Variants in CADM2 observed in about 807,000 individuals in gnomAD.
CADM2 encodes the protein cell adhesion molecule 2.
CADM2 carries 12 observed loss-of-function variants against 49.8 expected under a neutral mutation model. The ratio of observed to expected loss-of-function variants is 0.24; its 90% CI spans 0.15 to 0.39. The LOEUF (loss-of-function observed/expected upper bound fraction) is 0.39, where lower values mean the gene tolerates loss of function less well. CADM2 is among the 10% of genes least tolerant of loss of function. The probability of loss-of-function intolerance (pLI) is 1.00; values close to 1 mark genes in which losing one functional copy is unlikely to be tolerated. For synonymous variants in CADM2, 214 were observed against 175.4 expected (o/e 1.22, Z -1.74); for missense variants, 378 against 492.3 (o/e 0.77, Z 2.20).
chr3:85,077,241 T>C (rs2036979765), intron 1 of CADM2, among the ~76,000 whole-genome samples: 1 of 152,144 alleles, frequency 6.6e-6, no homozygotes, highest in Non-Finnish European at 1.5e-5. Flanking sequence ...TTGAGGTTTG[T>C]TTGCAATGTT....
intron 1 of CADM2, among the ~76,000 whole-genome samples, chr3:85,677,565 G>C (rs73845614): frequency 6.6e-6 from 1 of 151,978 alleles, no homozygotes; most frequent in Non-Finnish European, 1.5e-5. Context: ...AGTTTTAAAT[G>C]TTCAATAAAG....
chr3:85,765,388 G>C (rs149998301), intron 2 of CADM2, among the ~76,000 whole-genome samples: 2 of 152,146 alleles, frequency 1.3e-5, no homozygotes, highest in East Asian at 3.9e-4. Context: ...CTCATATTAA[G>C]TACATTTTTC....
chr3:85,415,798 G>A (rs1209737629), intron 1 of CADM2, among the ~76,000 whole-genome samples: 1 of 152,062 alleles, frequency 6.6e-6, no homozygotes, highest in Non-Finnish European at 1.5e-5. Flanking sequence ...ATCTGCAGTA[G>A]GATCAAAGCT....
intron 1 of CADM2, among the ~76,000 whole-genome samples, chr3:85,606,918 T>C (rs2063554229): frequency 6.6e-6 from 1 of 152,092 alleles, no homozygotes; most frequent in Non-Finnish European, 1.5e-5. Flanking sequence ...TTTCAAATTA[T>C]TAGCAGTGTG....
intron 1 of CADM2, among the ~76,000 whole-genome samples, chr3:85,442,588 GTATATATATATATATATATA>G (rs55882841): frequency 0.48 from 58,558 of 120,824 alleles, 15,082 homozygotes; most frequent in East Asian, 0.74. Context: ...TTATATATGA[GTATATATATATATATATATA>G]TATATATATA....
intron 2 of CADM2, among the ~76,000 whole-genome samples, chr3:85,771,270 G>A (rs1414341340): frequency 6.6e-6 from 1 of 151,912 alleles, no homozygotes; most frequent in Non-Finnish European, 1.5e-5. Flanking sequence ...AAACCCATTG[G>A]TCAATTCACA....
chr3:85,700,651 T>C (rs1478527090), intron 1 of CADM2, among the ~76,000 whole-genome samples: 1 of 152,134 alleles, frequency 6.6e-6, no homozygotes, highest in African/African-American at 2.4e-5. Flanking sequence ...GTTCCATAGA[T>C]CCTTAGGGTT....
intron 2 of CADM2, among the ~76,000 whole-genome samples, chr3:85,773,310 AC>A: frequency 6.6e-6 from 1 of 152,150 alleles, no homozygotes; most frequent in South Asian, 2.1e-4. Flanking sequence ...CCACACAGTC[AC>A]ACTTAATGGA....
chr3:84,959,796 C>A, intron 1 of CADM2, 128 bp downstream of exon 1: 1 of 852,708 alleles, frequency 1.2e-6, no homozygotes, highest in South Asian at 1.6e-5. Flanking sequence ...CCTCCCCCTA[C>A]TCTCTGGTGC....
At chr3:85,615,237 AAAAG>A (rs1298217988) in intron 1 of CADM2, among the ~76,000 whole-genome samples, 4 of 151,878 alleles carry the variant, frequency 2.6e-5, no homozygotes, top group African/African-American at 4.8e-5. Flanking sequence ...AGAGAGAAAG[AAAAG>A]AAAGAAAGAG....
At chr3:85,083,053 T>C (rs1414878441) in intron 1 of CADM2, among the ~76,000 whole-genome samples, 1 of 152,210 alleles carries the variant, frequency 6.6e-6, no homozygotes, top group Non-Finnish European at 1.5e-5. Flanking sequence ...CCATATCATA[T>C]GGATATTGTG....
chr3:85,893,622 T>C (rs1276077429), intron 5 of CADM2, among the ~76,000 whole-genome samples: 2 of 152,070 alleles, frequency 1.3e-5, no homozygotes, highest in Non-Finnish European at 2.9e-5. Context: ...ATATCCAGAA[T>C]CTACAATGAA....
At chr3:85,734,136 A>G (rs1206237020) in intron 2 of CADM2, among the ~76,000 whole-genome samples, 1 of 152,134 alleles carries the variant, frequency 6.6e-6, no homozygotes, top group Non-Finnish European at 1.5e-5. Flanking sequence ...AAAAAAATTA[A>G]TTTATCCTGA....
At chr3:85,476,971 T>TCTC (rs34684036) in intron 1 of CADM2, among the ~76,000 whole-genome samples, 89,476 of 150,228 alleles carry the variant, frequency 0.6, 27,963 homozygotes, top group East Asian at 0.92. Context: ...CATACAATCA[T>TCTC]CTCTCTATTG....
intron 1 of CADM2, among the ~76,000 whole-genome samples, chr3:85,315,922 T>C (rs762809332): frequency 6.6e-6 from 1 of 152,166 alleles, no homozygotes; most frequent in African/African-American, 2.4e-5. Flanking sequence ...CACACGCCTA[T>C]GTGTATTATT....
intron 1 of CADM2, among the ~76,000 whole-genome samples, chr3:85,088,753 T>G (rs1325357423): frequency 6.6e-6 from 1 of 152,138 alleles, no homozygotes; most frequent in Admixed American, 6.6e-5. Context: ...TGACATAAAA[T>G]TGTCTTTAGA....
chr3:85,250,798 CTTAT>C (rs2042754813), intron 1 of CADM2, among the ~76,000 whole-genome samples: 1 of 151,482 alleles, frequency 6.6e-6, no homozygotes, highest in Non-Finnish European at 1.5e-5. Flanking sequence ...ATAGATAATA[CTTAT>C]TTATGAATAT....
At chr3:85,573,603 C>G (rs995473157) in intron 1 of CADM2, among the ~76,000 whole-genome samples, 1 of 152,074 alleles carries the variant, frequency 6.6e-6, no homozygotes, top group Non-Finnish European at 1.5e-5. Flanking sequence ...AATTCTAATC[C>G]TGGTTATGAT....
At chr3:85,492,191 C>T (rs909669136) in intron 1 of CADM2, among the ~76,000 whole-genome samples, 2 of 152,052 alleles carry the variant, frequency 1.3e-5, no homozygotes, top group African/African-American at 4.8e-5. Context: ...AAATAAAATC[C>T]TGAGTTATTT....
Sources: allele counts gnomAD v4.1 joint callset (sites outside exome capture counted in the v4.1 genomes callset), GRCh38; gene constraint gnomAD v4.1.1; transcripts MANE v1.5; gene names NCBI Gene and HGNC (gene_info 2026-07-23, HGNC 2026-07-21).